Variants in DOCK3 observed in about 807,000 individuals in gnomAD.
DOCK3 encodes the protein dedicator of cytokinesis 3, also known as dedicator of cytokinesis protein 3.
DOCK3 carries 60 observed loss-of-function variants against 265.6 expected under a neutral mutation model. The ratio of observed to expected loss-of-function variants is 0.23; its 90% CI spans 0.18 to 0.28. DOCK3 has a LOEUF of 0.28. Among genes scored for constraint, DOCK3 ranks in the 10% least tolerant of loss-of-function variants. The pLI is 1.00. For missense variants in DOCK3, 1,981 were observed against 2,594.3 expected (o/e 0.76, Z 5.14); for synonymous variants, 881 against 938.0 (o/e 0.94, Z 1.11).
rs2086080878 is a variant in DOCK3, at chr3:51,160,660, C to T, written c.995C>T (p.Thr332Ile). ...ATCTTGGATGTCCTACAGTCACTCACAGAAGTAAAGGAAGAAAAGGATTTT... is the reference window on the plus strand; with the variant it reads ...ATCTTGGATGTCCTACAGTCACTCATAGAAGTAAAGGAAGAAAAGGATTTT... The part of the protein sequence containing the change: ...LSILDVLQSL[T>I]EVKEEKDFVL... The change falls in exon 12 of 53, where the codon ACA becomes ATA. Residue 332 changes from threonine to isoleucine, a missense_variant. Physicochemically the swap from Thr to Ile is moderately conservative, Grantham distance 89. Around this residue, in one of 4 missense-constraint regions of DOCK3, gnomAD observed 456 missense variants for 539.0 expected, o/e 0.85. Coordinates refer to ENST00000266037, the MANE Select transcript of DOCK3 (RefSeq NM_004947.5). 6.2e-7 allele frequency: 1 copy of T among 1,612,896 alleles called. No individual in the cohort carries two copies. The highest frequency in any genetic ancestry group is 8.5e-7 in the Non-Finnish European group (1 of 1,179,490).
chr3:51,314,457 C>T (rs2083257622), intron 31 of DOCK3, among the ~76,000 whole-genome samples: 1 of 152,158 alleles, frequency 6.6e-6, no homozygotes, highest in South Asian at 2.1e-4. Flanking sequence ...ACTTCTTTGG[C>T]ATACATGAAC....
intron 2 of DOCK3, among the ~76,000 whole-genome samples, chr3:50,836,449 C>T (rs549628102): frequency 6.6e-6 from 1 of 152,334 alleles, no homozygotes; most frequent in Non-Finnish European, 1.5e-5. Flanking sequence ...GAAGCAGCAG[C>T]CTGAGCTGTA....
At chr3:50,725,220 A>G (rs933481022) in intron 1 of DOCK3, among the ~76,000 whole-genome samples, 2 of 152,212 alleles carry the variant, frequency 1.3e-5, no homozygotes, top group African/African-American at 2.4e-5. Context: ...GACAAATATG[A>G]CAATAAGAGC....
At chr3:51,123,208 G>A (rs1267102332) in intron 9 of DOCK3, among the ~76,000 whole-genome samples, 1 of 152,126 alleles carries the variant, frequency 6.6e-6, no homozygotes, top group Non-Finnish European at 1.5e-5. Context: ...CCTGCCCATG[G>A]TTTTCCAGCT....
At chr3:51,186,228 G>A (rs1401849100) in intron 12 of DOCK3, among the ~76,000 whole-genome samples, 2 of 152,182 alleles carry the variant, frequency 1.3e-5, no homozygotes, top group African/African-American at 4.8e-5. Context: ...TTGGTAACTG[G>A]AGCAAAGATG....
intron 21 of DOCK3, among the ~76,000 whole-genome samples, chr3:51,243,213 C>T (rs1395747287): frequency 6.6e-6 from 1 of 152,216 alleles, no homozygotes; most frequent in African/African-American, 2.4e-5. Context: ...TGCACCACTA[C>T]AGACACTCCC....
chr3:50,922,265 C>T (rs2050518569), intron 4 of DOCK3, among the ~76,000 whole-genome samples: 1 of 152,232 alleles, frequency 6.6e-6, no homozygotes. Flanking sequence ...GCAGACGCCC[C>T]TCCCCTGGCC....
At chr3:50,960,469 GTAGTTTATTGGCCATTTATGTGTCT>G (rs1275159609) in intron 5 of DOCK3, among the ~76,000 whole-genome samples, 1 of 151,956 alleles carries the variant, frequency 6.6e-6, no homozygotes, top group African/African-American at 2.4e-5. Flanking sequence ...CATCTTGTCA[GTAGTTTATTGGCCATTTATGTGTCT>G]TTCTTGGTGA....
intron 5 of DOCK3, among the ~76,000 whole-genome samples, chr3:51,059,070 G>A (rs1023777311): frequency 2.6e-5 from 4 of 151,982 alleles, no homozygotes; most frequent in African/African-American, 9.7e-5. Flanking sequence ...TTCAACCCTT[G>A]TACTTCACCC....
At chr3:50,985,613 A>C (rs1210231307) in intron 5 of DOCK3, among the ~76,000 whole-genome samples, 1 of 152,070 alleles carries the variant, frequency 6.6e-6, no homozygotes, top group Non-Finnish European at 1.5e-5. Flanking sequence ...ATTTAAAATG[A>C]CAACTCTGCT....
At chr3:51,160,772 G>A in intron 12 of DOCK3, 70 bp downstream of exon 12, 1 of 1,538,270 alleles carries the variant, frequency 6.5e-7, no homozygotes, top group South Asian at 1.3e-5. Context: ...CTTGAGAGTA[G>A]TAGTGCTCAA....
chr3:50,748,769 C>G (rs1486577017), intron 1 of DOCK3, among the ~76,000 whole-genome samples: 2 of 152,060 alleles, frequency 1.3e-5, no homozygotes, highest in Non-Finnish European at 2.9e-5. Context: ...AGTAGGTTAC[C>G]TTGAATAGAG....
At chr3:50,763,010 G>A (rs2040626214) in intron 1 of DOCK3, among the ~76,000 whole-genome samples, 1 of 151,888 alleles carries the variant, frequency 6.6e-6, no homozygotes, top group African/African-American at 2.4e-5. Flanking sequence ...ATCCTAATAA[G>A]TTCATCATAA....
At chr3:50,770,808 A>G (rs1234841862) in intron 1 of DOCK3, among the ~76,000 whole-genome samples, 1 of 152,240 alleles carries the variant, frequency 6.6e-6, no homozygotes, top group Non-Finnish European at 1.5e-5. Context: ...GTTAAGGTTA[A>G]CACAGCTACA....
At chr3:50,992,806 A>G (rs1426592638) in intron 5 of DOCK3, among the ~76,000 whole-genome samples, 1 of 152,222 alleles carries the variant, frequency 6.6e-6, no homozygotes, top group African/African-American at 2.4e-5. Flanking sequence ...CAAATTCCAC[A>G]TACATCCTTT....
chr3:51,103,265 C>T (rs1221902677), intron 9 of DOCK3, among the ~76,000 whole-genome samples: 1 of 152,062 alleles, frequency 6.6e-6, no homozygotes, highest in Non-Finnish European at 1.5e-5. Context: ...AGCTGTGCTA[C>T]AATGAGAGCC....
rs772680218 is a variant in DOCK3, at chr3:51,312,730, G to A, written c.3195-114G>A. 3.8e-5 allele frequency: 48 copies of A among 1,268,012 alleles called. No homozygotes were observed. The South Asian group carries it at 6.3e-4, about 17-fold the overall frequency. The allele number at this position is 1,268,012 out of a possible 1,614,324, so 78.5% of individuals were successfully genotyped here. A position where few individuals can be genotyped will look rare whatever the true frequency, so the allele number is the denominator to read the frequency against. On this transcript the variant is annotated intron_variant, in intron 30 of 52. Coordinates refer to ENST00000266037, the MANE Select transcript of DOCK3 (RefSeq NM_004947.5). ...TCAGTCGAGAGCCCAAAGGCTTAGC[G>A]CATTGGGAAGCATTAGAAACAAACA...
chr3:51,153,876 C>A (rs2085727224), intron 10 of DOCK3, among the ~76,000 whole-genome samples: 1 of 152,140 alleles, frequency 6.6e-6, no homozygotes, highest in Non-Finnish European at 1.5e-5. Flanking sequence ...AATTTATTTG[C>A]TGTAGAAGAA....
chr3:50,715,268 C>G (rs1444191066), intron 1 of DOCK3, among the ~76,000 whole-genome samples: 1 of 152,130 alleles, frequency 6.6e-6, no homozygotes, highest in Non-Finnish European at 1.5e-5. Context: ...AGTAGGTAGG[C>G]CAGGCGTGGT....
Sources: allele counts gnomAD v4.1 joint callset (sites outside exome capture counted in the v4.1 genomes callset), GRCh38; gene constraint gnomAD v4.1.1; regional missense constraint gnomAD v4.1.1; transcripts MANE v1.5; gene names NCBI Gene and HGNC (gene_info 2026-07-23, HGNC 2026-07-21).